Variants in KIFC3 observed in about 807,000 individuals in gnomAD.
KIFC3 encodes the protein kinesin family member C3.
A neutral mutation model predicts 101.8 loss-of-function variants in KIFC3; 60 were observed. The ratio of observed to expected loss-of-function variants is 0.59; its 90% confidence interval spans 0.48 to 0.73. The LOEUF is 0.73. Among genes scored for constraint, KIFC3 ranks in the 30% least tolerant of loss-of-function variants. The probability of loss-of-function intolerance (pLI) is 0.00; values close to 1 mark genes in which losing one functional copy is unlikely to be tolerated. For missense variants in KIFC3, 966 were observed against 1,137.1 expected, an observed-to-expected ratio of 0.85 and a Z score of 2.16; for synonymous variants, 476 against 482.7, an observed-to-expected ratio of 0.99 and a Z score of 0.18.
intron 1 of KIFC3, among the ~76,000 whole-genome samples, chr16:57,843,956 T>C (rs955838387): frequency 6.6e-6 from 1 of 150,480 alleles, no homozygotes; most frequent in South Asian, 2.1e-4. Flanking sequence ...AAAAATACAA[T>C]AATTAGTTGG....
At chr16:57,814,867 G>A (rs1299198424) in intron 1 of KIFC3, among the ~76,000 whole-genome samples, 3 of 152,030 alleles carry the variant, frequency 2.0e-5, no homozygotes, top group South Asian at 2.1e-4. Context: ...AGCAATCCAC[G>A]AACCTCGGCC....
At chr16:57,851,292 AGT>A (rs1402805512) in intron 1 of KIFC3, among the ~76,000 whole-genome samples, 4 of 152,166 alleles carry the variant, frequency 2.6e-5, no homozygotes, top group African/African-American at 9.6e-5. Context: ...TAGGATGACC[AGT>A]GTGAGCCACC....
upstream of KIFC3, among the ~76,000 whole-genome samples, chr16:57,806,989 C>T (rs1332552705): frequency 7.9e-5 from 12 of 152,144 alleles, no homozygotes; most frequent in South Asian, 2.1e-4. Flanking sequence ...GAGGCTGAGG[C>T]GGGCAATCAC....
intron 1 of KIFC3, among the ~76,000 whole-genome samples, chr16:57,801,520 G>A (rs1356597134): frequency 1.3e-5 from 2 of 152,168 alleles, no homozygotes; most frequent in African/African-American, 4.8e-5. Context: ...CCTGGTCAAG[G>A]AGACGGCTAC....
At chr16:57,779,140 T>C (rs367864126) in intron 3 of KIFC3, among the ~76,000 whole-genome samples, 18 of 152,340 alleles carry the variant, frequency 1.2e-4, no homozygotes, top group African/African-American at 4.1e-4. Context: ...CTCATGTTTA[T>C]AGCAGCATTA....
intron 1 of KIFC3, among the ~76,000 whole-genome samples, chr16:57,810,053 G>A (rs542460007): frequency 4.6e-5 from 7 of 152,070 alleles, no homozygotes; most frequent in Non-Finnish European, 8.8e-5. Flanking sequence ...GTCCTGGAAC[G>A]CCTCAGTACC....
Position 57,762,157 on chromosome 16 carries a change from G to T in KIFC3, c.1731C>A (p.Ile577=), listed in dbSNP as rs782223331. ...EYTITVSAAE[I]YNEVLRDLLG... is the part of the protein sequence containing the mutation. ...GCTCCCACCTGAGGACCTCATTGTA[G>T]ATCTCCGCAGCGCTGACGGTGATGG... is the stretch of plus-strand genomic sequence containing the variant. The change falls in exon 13 of 20, where the codon ATC becomes ATA. Residue 577 remains isoleucine (I), a synonymous_variant. Coordinates refer to ENST00000445690, the MANE Select transcript of KIFC3 (RefSeq NM_001130100.2). The T allele has an allele frequency of 1.1e-5, 17 of 1,605,508 alleles. 2 individuals carry two copies. In the Admixed American group the frequency reaches 2.8e-4, roughly 27 times the overall value.
At chr16:57,833,532 G>A (rs1000353874) in intron 1 of KIFC3, among the ~76,000 whole-genome samples, 6 of 152,110 alleles carry the variant, frequency 3.9e-5, no homozygotes, top group Non-Finnish European at 7.3e-5. Context: ...AAGGTCTTCC[G>A]GCTGCACCCA....
intron 1 of KIFC3, among the ~76,000 whole-genome samples, chr16:57,817,347 A>C (rs1460349235): frequency 2.0e-4 from 31 of 151,900 alleles, no homozygotes; most frequent in Admixed American, 1.8e-3. Context: ...TGACAGAGAG[A>C]GACTCTGTCT....
chr16:57,779,647 G>GTC (rs1234657693), intron 3 of KIFC3: 2 of 151,840 alleles, frequency 1.3e-5, no homozygotes, highest in East Asian at 3.9e-4. Flanking sequence ...GTGAAACCCT[G>GTC]TCTCTACTAA....
intron 3 of KIFC3, 189 bp from the exon 4 acceptor site, chr16:57,772,477 C>T: frequency 1.9e-6 from 1 of 537,302 alleles, no homozygotes; most frequent in Non-Finnish European, 3.4e-6. Context: ...TGGGCTGGTG[C>T]TGACAGCCTC....
chr16:57,778,387 C>T (rs1354384730), intron 3 of KIFC3, among the ~76,000 whole-genome samples: 7 of 152,152 alleles, frequency 4.6e-5, no homozygotes, highest in Non-Finnish European at 7.3e-5. Flanking sequence ...TTGGCAATGA[C>T]TTCTTGGATA....
At position 57,758,555 on chromosome 16, in the gene KIFC3, G is replaced by T; in HGVS notation, c.*379C>A. The T allele has an allele frequency of 1.6e-6, 1 of 631,652 alleles. No individual in the cohort carries two copies. Among genetic ancestry groups the T allele is most frequent in the Non-Finnish European group, 2.9e-6 (1 of 340,438 alleles). The allele number at this position is 631,652 out of a possible 1,614,324, so 39.1% of individuals were successfully genotyped here. A position where few individuals can be genotyped will look rare whatever the true frequency, so the allele number is the denominator to read the frequency against. ...TCGCCCACCCCCTAAGGAGGGGGCT[G>T]GCCAGCTCTGCAAGCTGAGGAGAGG... On this transcript the variant is annotated 3_prime_UTR_variant, in exon 20 of 20. Coordinates refer to ENST00000445690, the MANE Select transcript of KIFC3 (RefSeq NM_001130100.2).
intron 1 of KIFC3, among the ~76,000 whole-genome samples, chr16:57,857,376 A>T (rs1359057965): frequency 2.8e-5 from 4 of 143,362 alleles, no homozygotes; most frequent in Non-Finnish European, 4.5e-5. Flanking sequence ...TAAGTCTCCC[A>T]GAACCCCCTA....
rs369560676 is a variant in KIFC3, at chr16:57,759,862, C to G, written c.2368-26G>C. Reference sequence around the variant, plus strand: ...CTGTGAGCAGGGAAGGGCGGATGGGCGGGGGCCACGGCTGCCCTGGCTCCC... The same window carrying G: ...CTGTGAGCAGGGAAGGGCGGATGGGGGGGGGCCACGGCTGCCCTGGCTCCC... On this transcript the variant is annotated intron_variant, in intron 17 of 19. Coordinates refer to ENST00000445690, the MANE Select transcript of KIFC3 (RefSeq NM_001130100.2). 13 of 1,557,298 alleles carry G rather than the reference C, an allele frequency of 8.3e-6. No individual in the cohort carries two copies. In the African/African-American group the frequency reaches 1.6e-4, roughly 20 times the overall value.
upstream of KIFC3, chr16:57,803,527 G>A: frequency 2.6e-6 from 1 of 390,510 alleles, no homozygotes; most frequent in Non-Finnish European, 5.1e-6. Context: ...TCAAGGAGAG[G>A]ACTGGAGGGG....
chr16:57,798,195 G>A lies in KIFC3; in HGVS notation c.49C>T (p.Arg17Trp), dbSNP rs1555623976. The A allele has an allele frequency of 6.5e-7, 1 of 1,543,990 alleles. No homozygotes were observed. Among genetic ancestry groups the A allele is most frequent in the Non-Finnish European group, 8.7e-7 (1 of 1,144,764 alleles). ...TWNLGATPSL[R>W]GLWRVGRAPE... The stretch of plus-strand genomic sequence containing the variant: ...GCCCGGCCCACTCTCCACAGGCCCC[G>A]CAGCGAGGGCGTGGCTCCCAGGTTC... Residue 17 changes from arginine (R) to tryptophan (W), a missense_variant, in exon 2 of 20, where the codon CGG becomes TGG. Coordinates refer to ENST00000445690, the MANE Select transcript of KIFC3 (RefSeq NM_001130100.2).
Position 57,761,495 on chromosome 16 carries a change from C to T in KIFC3, c.1790G>A (p.Arg597Gln). The T allele has an allele frequency of 1.2e-6, 2 of 1,613,876 alleles. No individual in the cohort carries two copies. The highest frequency in any genetic ancestry group is 1.7e-6 in the Non-Finnish European group (2 of 1,179,876). Residue 597 changes from arginine to glutamine, a missense_variant, in exon 14 of 20, where the codon CGG becomes CAG. This residue lies in a region of KIFC3 where 689 missense variants were observed against 884.6 expected (regional missense o/e 0.78). Coordinates refer to ENST00000445690, the MANE Select transcript of KIFC3 (RefSeq NM_001130100.2). Reference sequence around the variant, plus strand: ...CTGCCCACTGCCGTCTGGGCACAGCCGGATCTCCAGTTTTTCCTGAGGCTC... The same window carrying T: ...CTGCCCACTGCCGTCTGGGCACAGCTGGATCTCCAGTTTTTCCTGAGGCTC... ...GKEPQEKLEI[R>Q]LCPDGSGQLY...
chr16:57,840,733 C>A (rs2055787726), intron 1 of KIFC3, among the ~76,000 whole-genome samples: 1 of 149,098 alleles, frequency 6.7e-6, no homozygotes, highest in African/African-American at 2.5e-5. Flanking sequence ...GCACTCCAGC[C>A]TGGGCAACAA....
Sources: gnomAD v4.1 joint callset for allele counts (sites outside exome capture counted in the v4.1 genomes callset) on GRCh38, gnomAD v4.1.1 for gene constraint, gnomAD v4.1.1 regional missense constraint, MANE v1.5 for transcripts, NCBI Gene and HGNC (gene_info 2026-07-23, HGNC 2026-07-21) for gene names.